The following CRKL variants were observed in gnomAD, a reference collection of about 807,000 sequenced individuals.
CRKL encodes CRK like proto-oncogene, adaptor protein, also known as crk-like protein.
In CRKL, 3 loss-of-function variants were observed where a neutral mutation model predicts 23.0. The ratio of observed to expected loss-of-function variants is 0.13; its 90% CI spans 0.06 to 0.34. The LOEUF is 0.34. Among genes scored for constraint, CRKL ranks in the 10% least tolerant of loss-of-function variants. CRKL has a pLI of 1.00. For missense variants in CRKL, 256 were observed against 394.5 expected, an observed-to-expected ratio of 0.65 and a Z score of 2.97; for synonymous variants, 188 against 160.7, an observed-to-expected ratio of 1.17 and a Z score of -1.28.
intron 2 of CRKL, among the ~76,000 whole-genome samples, chr22:20,943,401 C>G (rs996205921): frequency 6.6e-6 from 1 of 151,884 alleles, no homozygotes; most frequent in South Asian, 2.1e-4. Context: ...CACCATACCC[C>G]GCTAATTTTT....
At position 20,932,429 on chromosome 22, in the gene CRKL, G is replaced by A. The variant is rs527554089; in HGVS notation, c.312-1350G>A. Among the ~76,000 whole-genome samples, 7 of 152,190 alleles carry A rather than the reference G, an allele frequency of 4.6e-5. No homozygotes were observed. In the East Asian group the frequency reaches 1.4e-3, roughly 29 times the overall value. On this transcript the variant is annotated intron_variant, in intron 1 of 2. Transcript: ENST00000354336. ...TATTTTTAATTTGGCAAGTCTGTAAGCCCTTTTTTGTTCCTTTTTTTTCAA... is the reference window on the plus strand; with the variant it reads ...TATTTTTAATTTGGCAAGTCTGTAAACCCTTTTTTGTTCCTTTTTTTTCAA...
rs900241854 is a variant in CRKL, at chr22:20,952,288, C to T, written c.*2443C>T. The T allele has an allele frequency of 1.7e-5, 4 of 229,814 alleles. No individual in the cohort carries two copies. The highest frequency in any genetic ancestry group is 6.2e-5 in the East Asian group (1 of 16,130). 14.2% of individuals were successfully genotyped at this position (229,814 alleles called of 1,614,324 possible). On this transcript the variant is annotated 3_prime_UTR_variant, in exon 3 of 3. Coordinates refer to ENST00000354336, the MANE Select transcript of CRKL (RefSeq NM_005207.4). ...CAGCCCTGTCTACTGACCAATACCC[C>T]GACTCACCTTGTGTGGCGCACTTCA...
Position 20,918,216 on chromosome 22 carries a change from C to T in CRKL, c.282C>T (p.Asp94=), listed in dbSNP as rs2147892068. 6.2e-7 allele frequency: 1 copy of T among 1,614,058 alleles called. No homozygotes were observed. The highest frequency in any genetic ancestry group is 1.3e-5 in the African/African-American group (1 of 75,060). Reference sequence around the variant, plus strand: ...AGTTTTACAAGATCCACTACCTGGACACCACCACCCTCATCGAGCCTGCGC... The same window carrying T: ...AGTTTTACAAGATCCACTACCTGGATACCACCACCCTCATCGAGCCTGCGC... ...LLEFYKIHYL[D]TTTLIEPAPR... Residue 94 remains aspartate, a synonymous_variant, in exon 1 of 3, where the codon GAC becomes GAT. Transcript: ENST00000354336.
chr22:20,941,501 A>C, intron 2 of CRKL, among the ~76,000 whole-genome samples: 1 of 57,072 alleles, frequency 1.8e-5, no homozygotes, highest in African/African-American at 4.7e-5. Flanking sequence ...ATATATACAT[A>C]TGTGTGTTTG....
chr22:20,921,134 T>A (rs1920987871), intron 1 of CRKL, among the ~76,000 whole-genome samples: 1 of 152,236 alleles, frequency 6.6e-6, no homozygotes, highest in Admixed American at 6.5e-5. Context: ...GTGTAATGCT[T>A]CTTCGCATCC....
Position 20,933,634 on chromosome 22 carries a change from C to G in CRKL, c.312-145C>G, listed in dbSNP as rs1448285580. ...AGTGAGCTAAGATCACGCTATTGCA[C>G]TCCAGCCTGGGCGACAAGAGCAAAA... On this transcript the variant is annotated intron_variant, in intron 1 of 2. Coordinates refer to ENST00000354336, the MANE Select transcript of CRKL (RefSeq NM_005207.4). 3 of 687,168 alleles carry G rather than the reference C, an allele frequency of 4.4e-6. No individual in the cohort carries two copies. In the African/African-American group the frequency reaches 5.4e-5, roughly 12 times the overall value. 42.6% of individuals were successfully genotyped at this position (687,168 alleles called of 1,614,324 possible). A position where few individuals can be genotyped will look rare whatever the true frequency, so the allele number is the denominator to read the frequency against.
chr22:20,930,313 TC>T (rs1162382295), intron 1 of CRKL, among the ~76,000 whole-genome samples: 7 of 152,172 alleles, frequency 4.6e-5, no homozygotes, highest in Non-Finnish European at 8.8e-5. Flanking sequence ...GTCCAACTAC[TC>T]AACTATGCCT....
intron 1 of CRKL, among the ~76,000 whole-genome samples, chr22:20,919,434 AT>A (rs1296773758): frequency 6.6e-6 from 1 of 152,110 alleles, no homozygotes; most frequent in African/African-American, 2.4e-5. Flanking sequence ...AAGTCTAATG[AT>A]TTTGTATTTC....
At chr22:20,934,524 C>T (rs981857372) in intron 2 of CRKL, among the ~76,000 whole-genome samples, 1 of 152,300 alleles carries the variant, frequency 6.6e-6, no homozygotes, top group East Asian at 1.9e-4. Context: ...ATGTGAGCCA[C>T]CATGCCTGGC....
chr22:20,931,218 A>G (rs1016519450), intron 1 of CRKL, among the ~76,000 whole-genome samples: 3 of 152,068 alleles, frequency 2.0e-5, no homozygotes, highest in African/African-American at 7.2e-5. Flanking sequence ...CAAGCCCTGA[A>G]AACATAGTGA....
chr22:20,944,843 A>T (rs1921999622), intron 2 of CRKL, among the ~76,000 whole-genome samples: 1 of 151,530 alleles, frequency 6.6e-6, no homozygotes, highest in Admixed American at 6.6e-5. Context: ...CCTCCTGAGT[A>T]GCTGGGACTA....
rs780708417 is a variant in CRKL at position 20,917,418 on chromosome 22, G to A, written c.-517G>A. On this transcript the variant is annotated 5_prime_UTR_variant, in exon 1 of 3. Coordinates refer to ENST00000354336, the MANE Select transcript of CRKL (RefSeq NM_005207.4). The stretch of plus-strand genomic sequence containing the variant: ...GGCCCAGCGCGTGCGCAGACGGAGC[G>A]CGCTGAGCGGAGGGGGAGGTGGCTG... 24 of 221,286 alleles carry A rather than the reference G, an allele frequency of 1.1e-4. No individual in the cohort carries two copies. The highest frequency in any genetic ancestry group is 1.9e-4 in the Non-Finnish European group (21 of 110,214). The allele number at this position is 221,286 out of a possible 1,614,324, so 13.7% of individuals were successfully genotyped here. A position where few individuals can be genotyped will look rare whatever the true frequency, so the allele number is the denominator to read the frequency against.
chr22:20,935,026 G>C (rs1921598103), intron 2 of CRKL, among the ~76,000 whole-genome samples: 2 of 151,992 alleles, frequency 1.3e-5, no homozygotes, highest in Non-Finnish European at 2.9e-5. Flanking sequence ...GTATTAGCCA[G>C]GATGGTGTCG....
rs991202920 is a variant in CRKL, at chr22:20,949,563, C to G, written c.778-148C>G. 3 of 1,084,760 alleles carry G rather than the reference C, an allele frequency of 2.8e-6. No individual in the cohort carries two copies. In the African/African-American group the frequency reaches 4.8e-5, roughly 17 times the overall value. 67.2% of individuals were successfully genotyped at this position (1,084,760 alleles called of 1,614,324 possible). ...GTTACATTGAGCAGGGATCTCACCA[C>G]TACACTCCAGCATGGCTAACAGAGT... is the stretch of plus-strand genomic sequence containing the variant. On this transcript the variant is annotated intron_variant, in intron 2 of 2. Transcript: ENST00000354336.
chr22:20,941,481 G>A (rs576304666), intron 2 of CRKL, among the ~76,000 whole-genome samples: 3 of 141,740 alleles, frequency 2.1e-5, no homozygotes, highest in African/African-American at 5.3e-5. Flanking sequence ...GAATATTCTC[G>A]TATTTAAAAA....
chr22:20,951,099 G>A lies in CRKL; in HGVS notation c.*1254G>A. ...CTTTTCAGTGAATGTACCCCTTTAA[G>A]GTTCAGACTTAAACTTCCTTAAAAA... is the stretch of plus-strand genomic sequence containing the variant. On this transcript the variant is annotated 3_prime_UTR_variant, in exon 3 of 3. Coordinates refer to ENST00000354336, the MANE Select transcript of CRKL (RefSeq NM_005207.4). The A allele has an allele frequency of 4.3e-6, 1 of 232,480 alleles. No individual in the cohort carries two copies. Among genetic ancestry groups the A allele is most frequent in the Non-Finnish European group, 8.5e-6 (1 of 117,604 alleles). 14.4% of individuals were successfully genotyped at this position (232,480 alleles called of 1,614,324 possible). A position where few individuals can be genotyped will look rare whatever the true frequency, so the allele number is the denominator to read the frequency against.
chr22:20,923,724 G>A (rs548288330), intron 1 of CRKL, among the ~76,000 whole-genome samples: 18 of 151,912 alleles, frequency 1.2e-4, no homozygotes, highest in South Asian at 4.2e-4. Flanking sequence ...ACAGGCGCAC[G>A]CGCTACCACA....
At chr22:20,944,139 C>CTTTTTTT (rs57177824) in intron 2 of CRKL, among the ~76,000 whole-genome samples, 1 of 105,852 alleles carries the variant, frequency 9.4e-6, no homozygotes, top group African/African-American at 3.7e-5. Flanking sequence ...GTAGTATTAG[C>CTTTTTTT]TTTTTTTTTT....
intron 2 of CRKL, among the ~76,000 whole-genome samples, chr22:20,941,164 C>T (rs1326861127): frequency 1.3e-5 from 2 of 152,020 alleles, no homozygotes; most frequent in African/African-American, 4.8e-5. Flanking sequence ...ATTCTAGCAA[C>T]GTGAAGCCTT....
Sources: gnomAD v4.1 joint callset for allele counts (sites outside exome capture counted in the v4.1 genomes callset) on GRCh38, gnomAD v4.1.1 for gene constraint, MANE v1.5 for transcripts, NCBI Gene and HGNC (gene_info 2026-07-23, HGNC 2026-07-21) for gene names.